Variants in RIMBP2 observed in about 807,000 individuals in gnomAD.
The protein encoded by RIMBP2 is RIMS-binding protein 2.
A neutral mutation model predicts 118.6 loss-of-function variants in RIMBP2; 48 were observed. That is an observed-to-expected ratio of 0.40 (90% CI 0.32 to 0.51). RIMBP2 has a LOEUF of 0.51. Ranked by LOEUF, RIMBP2 falls within the 20% of genes least tolerant of loss-of-function variation. The probability of loss-of-function intolerance (pLI) is 0.41; values close to 1 mark genes in which losing one functional copy is unlikely to be tolerated. For missense variants in RIMBP2, 1,551 were observed against 1,768.3 expected (o/e 0.88, Z 2.20); for synonymous variants, 762 against 742.9 (o/e 1.03, Z -0.42).
chr12:130,485,980 C>T (rs71468423), intron 4 of RIMBP2, among the ~76,000 whole-genome samples: 6,512 of 152,278 alleles, frequency 0.043, 196 homozygotes, highest in South Asian at 0.13. Context: ...ATCACAGATG[C>T]CATGGCTGGG....
intron 2 of RIMBP2, among the ~76,000 whole-genome samples, chr12:130,532,216 T>G (rs2139354405): frequency 7.4e-6 from 1 of 135,754 alleles, no homozygotes; most frequent in African/African-American, 2.7e-5. Context: ...CTCTAGGAGT[T>G]ACGTCTAATG....
intron 2 of RIMBP2, among the ~76,000 whole-genome samples, chr12:130,565,761 C>T (rs1342311373): frequency 4.6e-5 from 7 of 152,160 alleles, no homozygotes; most frequent in Admixed American, 4.6e-4. Context: ...TTTGTTCACA[C>T]AGCAGCACAA....
intron 2 of RIMBP2, among the ~76,000 whole-genome samples, chr12:130,531,106 A>C (rs575476649): frequency 6.6e-6 from 1 of 152,356 alleles, no homozygotes; most frequent in East Asian, 1.9e-4. Flanking sequence ...TCTTCTGCTC[A>C]TCAAGTGATA....
chr12:130,401,138 C>T (rs2074510556), intron 21 of RIMBP2, among the ~76,000 whole-genome samples: 1 of 151,816 alleles, frequency 6.6e-6, no homozygotes, highest in African/African-American at 2.4e-5. Context: ...TAAATTGAGA[C>T]AGAGTCTCGC....
intron 1 of RIMBP2, among the ~76,000 whole-genome samples, chr12:130,669,655 C>T (rs1227048090): frequency 2.0e-5 from 3 of 152,306 alleles, no homozygotes; most frequent in Non-Finnish European, 2.9e-5. Flanking sequence ...GAACTGTGAG[C>T]CAATTCAACC....
At chr12:130,462,233 G>A (rs1397236395) in intron 6 of RIMBP2, among the ~76,000 whole-genome samples, 1 of 152,212 alleles carries the variant, frequency 6.6e-6, no homozygotes, top group African/African-American at 2.4e-5. Flanking sequence ...GGCCTGGGGG[G>A]TTCTGGAACT....
chr12:130,403,588 A>C (rs1565981337), intron 21 of RIMBP2, among the ~76,000 whole-genome samples: 1 of 152,246 alleles, frequency 6.6e-6, no homozygotes, highest in Non-Finnish European at 1.5e-5. Flanking sequence ...GCAGTCTAAA[A>C]AGATACTGAA....
At chr12:130,550,636 A>G (rs1188234977) in intron 2 of RIMBP2, among the ~76,000 whole-genome samples, 1 of 152,214 alleles carries the variant, frequency 6.6e-6, no homozygotes, top group Non-Finnish European at 1.5e-5. Context: ...AAATGAAAAA[A>G]GGTTAAAAAT....
At chr12:130,478,891 G>A (rs11060933) in intron 5 of RIMBP2, 21 bp downstream of exon 5, 78 of 1,587,996 alleles carry the variant, frequency 4.9e-5, no homozygotes, top group East Asian at 4.5e-4. Flanking sequence ...CGCACGCCGC[G>A]CCCGGCTGCC....
In RIMBP2 at chr12:130,414,041, G is replaced by C. The variant is rs1034443842; in HGVS notation, c.3420+84C>G. 26 of 1,412,274 alleles carry C rather than the reference G, an allele frequency of 1.8e-5. No homozygotes were observed. In the African/African-American group the frequency reaches 3.4e-4, roughly 18 times the overall value. The allele number at this position is 1,412,274 out of a possible 1,614,324, so 87.5% of individuals were successfully genotyped here. ...TGCAGGAGAAGGCCATCTCTAAGTC[G>C]ATACCCTGTTGCCAGTCTCTGCCCC... On this transcript the variant is annotated intron_variant, in intron 18 of 22. Coordinates refer to ENST00000690449, the MANE Select transcript of RIMBP2 (RefSeq NM_001393629.1).
intron 2 of RIMBP2, among the ~76,000 whole-genome samples, chr12:130,625,687 C>T (rs1365778435): frequency 6.6e-6 from 1 of 152,180 alleles, no homozygotes; most frequent in African/African-American, 2.4e-5. Flanking sequence ...AGCCAACAAT[C>T]TATCAAAAAA....
chr12:130,547,002 G>A (rs2055245249), intron 2 of RIMBP2, among the ~76,000 whole-genome samples: 1 of 152,122 alleles, frequency 6.6e-6, no homozygotes, highest in Non-Finnish European at 1.5e-5. Context: ...TGGGGAGGAG[G>A]AGGGACAGTT....
At chr12:130,712,972 G>T (rs1036879950) in intron 1 of RIMBP2, among the ~76,000 whole-genome samples, 4 of 151,426 alleles carry the variant, frequency 2.6e-5, no homozygotes, top group Non-Finnish European at 5.9e-5. Context: ...AAGGAAAGAT[G>T]GATCCACACA....
rs2066018948 is a variant in RIMBP2, at chr12:130,704,794, C to T, written c.-352+11428G>A. On this transcript the variant is annotated intron_variant, in intron 1 of 22. Transcript: ENST00000690449. ...GCACCTGCAAGACGGGCCGAGGCTC[C>T]GGGGCTCCACCACCAGGGTCACCGG... is the stretch of plus-strand genomic sequence containing the variant. Among the ~76,000 whole-genome samples the T allele has an allele frequency of 2.6e-5, 4 of 152,086 alleles. No individual in the cohort carries two copies. In the South Asian group the frequency reaches 6.2e-4, roughly 24 times the overall value.
intron 2 of RIMBP2, among the ~76,000 whole-genome samples, chr12:130,627,105 A>G (rs2061688344): frequency 6.6e-6 from 1 of 151,368 alleles, no homozygotes; most frequent in South Asian, 2.1e-4. Context: ...CCATCACTAC[A>G]ACTACCGCCA....
intron 1 of RIMBP2, among the ~76,000 whole-genome samples, chr12:130,681,788 G>T (rs2064799149): frequency 1.3e-5 from 2 of 152,066 alleles, no homozygotes; most frequent in Admixed American, 6.6e-5. Context: ...TCCACCTTCT[G>T]GGTTCAAGTG....
chr12:130,594,100 T>G (rs1042674505), intron 2 of RIMBP2, among the ~76,000 whole-genome samples: 6 of 152,264 alleles, frequency 3.9e-5, no homozygotes, highest in Non-Finnish European at 7.3e-5. Flanking sequence ...CTGTCCACTG[T>G]AGACACTGAA....
chr12:130,639,566 T>C (rs946100762), intron 1 of RIMBP2, among the ~76,000 whole-genome samples: 3 of 148,936 alleles, frequency 2.0e-5, no homozygotes, highest in Admixed American at 6.7e-5. Flanking sequence ...ACCTCACCCC[T>C]TTAATTGCTG....
chr12:130,706,578 C>T (rs902028486), intron 1 of RIMBP2, among the ~76,000 whole-genome samples: 1 of 152,250 alleles, frequency 6.6e-6, no homozygotes, highest in African/African-American at 2.4e-5. Flanking sequence ...GGCAGCATGG[C>T]GTAGTGGCCA....
Sources: allele counts gnomAD v4.1 joint callset (sites outside exome capture counted in the v4.1 genomes callset), GRCh38; gene constraint gnomAD v4.1.1; transcripts MANE v1.5; gene names NCBI Gene and HGNC (gene_info 2026-07-23, HGNC 2026-07-21).